The following GLS variants were observed in gnomAD, a reference collection of about 807,000 sequenced individuals.
The protein encoded by GLS is glutaminase, also known as glutaminase kidney isoform, mitochondrial.
A neutral mutation model predicts 86.7 loss-of-function variants in GLS; 36 were observed. That is an observed-to-expected ratio of 0.42 (90% CI 0.32 to 0.55). The LOEUF (loss-of-function observed/expected upper bound fraction) is 0.55. GLS is among the 20% of genes least tolerant of loss of function. The probability of loss-of-function intolerance (pLI) is 0.17; values close to 1 mark genes in which losing one functional copy is unlikely to be tolerated. For missense variants in GLS, 528 were observed against 833.4 expected (o/e 0.63, Z 4.51); for synonymous variants, 317 against 305.9 (o/e 1.04, Z -0.38).
At chr2:190,910,357 C>CT (rs397869711) in intron 7 of GLS, 36 bp downstream of exon 7, 17,122 of 939,628 alleles carry the variant, frequency 0.018, 21 homozygotes, top group African/African-American at 0.028. Flanking sequence ...CCTAGTAAAA[C>CT]TTTTTTTTTT....
At chr2:190,887,251 GA>G (rs751834281) in intron 1 of GLS, among the ~76,000 whole-genome samples, 30 of 152,110 alleles carry the variant, frequency 2.0e-4, no homozygotes, top group Non-Finnish European at 3.7e-4. Flanking sequence ...GTTTTACCCT[GA>G]AATCTACTCA....
chr2:190,880,872 C>CAGCAGCA lies in GLS; in HGVS notation c.-213_-212insAGCAGCA. 5 of 742,350 alleles carry CAGCAGCA rather than the reference C, an allele frequency of 6.7e-6. No individual in the cohort carries two copies. The highest frequency in any genetic ancestry group is 3.6e-5 in the African/African-American group (2 of 55,594). 46.0% of individuals were successfully genotyped at this position (742,350 alleles called of 1,614,324 possible). A position where few individuals can be genotyped will look rare whatever the true frequency, so the allele number is the denominator to read the frequency against. The stretch of plus-strand genomic sequence containing the variant: ...AGAACCGGTCGCGGCAATCCTAGCG[C>CAGCAGCA]GCAGCAGCAGCAGCAGCAGCAGCAG... On this transcript the variant is annotated 5_prime_UTR_variant, in exon 1 of 18. Transcript: ENST00000320717.
intron 1 of GLS, among the ~76,000 whole-genome samples, chr2:190,885,692 T>G (rs931604341): frequency 6.6e-6 from 1 of 152,112 alleles, no homozygotes; most frequent in Non-Finnish European, 1.5e-5. Context: ...GGTTTTAATT[T>G]TAAAAGCTAA....
intron 14 of GLS, among the ~76,000 whole-genome samples, chr2:190,944,361 T>C (rs1225390644): frequency 1.3e-5 from 2 of 152,202 alleles, no homozygotes; most frequent in Non-Finnish European, 2.9e-5. Context: ...CCTAACACAC[T>C]AATGTAATAT....
Position 190,965,433 on chromosome 2 carries a change from G to GTGAA in GLS, c.*2449_*2452dup, listed in dbSNP as rs965453688. ...GTATTTGCTTCTAAAACCTCCCAAA[G>GTGAA]TGAATCTAATCTTAAAACTACAAGT... is the stretch of plus-strand genomic sequence containing the variant. On this transcript the variant is annotated 3_prime_UTR_variant, in exon 18 of 18. Coordinates refer to ENST00000320717, the MANE Select transcript of GLS (RefSeq NM_014905.5). The surrounding 1 kb of genome is among the most constrained non-coding windows in gnomAD (Gnocchi z 5.0). The GTGAA allele has an allele frequency of 1.6e-4, 24 of 152,618 alleles. No homozygotes were observed. The highest frequency in any genetic ancestry group is 5.8e-4 in the African/African-American group (24 of 41,512). 9.5% of individuals were successfully genotyped at this position (152,618 alleles called of 1,614,324 possible). A position where few individuals can be genotyped will look rare whatever the true frequency, so the allele number is the denominator to read the frequency against.
chr2:190,884,321 C>T (rs983978485), intron 1 of GLS, among the ~76,000 whole-genome samples: 1 of 152,190 alleles, frequency 6.6e-6, no homozygotes, highest in Non-Finnish European at 1.5e-5. Context: ...TTTGTCGCCA[C>T]ATATTCAATG....
At chr2:190,917,716 T>C (rs959828358) in intron 7 of GLS, among the ~76,000 whole-genome samples, 1 of 152,204 alleles carries the variant, frequency 6.6e-6, no homozygotes, top group Non-Finnish European at 1.5e-5. Context: ...AACAACATTA[T>C]GCTCCTTGTA....
intron 1 of GLS, among the ~76,000 whole-genome samples, chr2:190,882,996 A>G (rs1331189863): frequency 2.0e-5 from 3 of 152,212 alleles, no homozygotes; most frequent in Non-Finnish European, 4.4e-5. Flanking sequence ...TGCAGTCACA[A>G]CCGTTTAAAA....
chr2:190,892,676 A>G (rs1688603861), intron 1 of GLS, among the ~76,000 whole-genome samples: 1 of 152,122 alleles, frequency 6.6e-6, no homozygotes, highest in African/African-American at 2.4e-5. Flanking sequence ...TTTGAGGAGA[A>G]TATTTGAGTA....
intron 11 of GLS, among the ~76,000 whole-genome samples, chr2:190,925,837 G>A (rs1192765181): frequency 6.6e-6 from 1 of 152,098 alleles, no homozygotes; most frequent in Non-Finnish European, 1.5e-5. Context: ...TTTAGTTACT[G>A]ATCCCTAGTT....
chr2:190,906,647 G>A (rs896381634), intron 6 of GLS, among the ~76,000 whole-genome samples: 7 of 152,226 alleles, frequency 4.6e-5, no homozygotes, highest in African/African-American at 1.7e-4. Context: ...AGTAAATACA[G>A]GCTTCACTAT....
In GLS at chr2:190,895,548, A is replaced by G; in HGVS notation, c.484-56A>G. 8.2e-7 allele frequency: 1 copy of G among 1,218,046 alleles called. No homozygotes were observed. 75.5% of individuals were successfully genotyped at this position (1,218,046 alleles called of 1,614,324 possible). On this transcript the variant is annotated intron_variant, in intron 2 of 17. Transcript: ENST00000320717. This position sits in a 1 kb window ranked among gnomAD's most constrained non-coding sequence, Gnocchi z 4.2. Reference sequence around the variant, plus strand: ...AGGAATAAAATCTTATAGTTGGTATAAGCATATACATTATTTGCACTATAT... The same window carrying G: ...AGGAATAAAATCTTATAGTTGGTATGAGCATATACATTATTTGCACTATAT...
At chr2:190,908,828 C>T (rs1217237198) in intron 6 of GLS, among the ~76,000 whole-genome samples, 1 of 152,174 alleles carries the variant, frequency 6.6e-6, no homozygotes, top group African/African-American at 2.4e-5. Context: ...GCTGTCATGC[C>T]TTAAAATGAT....
intron 1 of GLS, among the ~76,000 whole-genome samples, chr2:190,892,212 G>A (rs1688587808): frequency 6.6e-6 from 1 of 152,104 alleles, no homozygotes; most frequent in South Asian, 2.1e-4. Flanking sequence ...GAAGGAATGG[G>A]TAAAAGAAGA....
chr2:190,924,494 G>A lies in GLS; in HGVS notation c.1198-49G>A, dbSNP rs1167922494. 2 of 924,000 alleles carry A rather than the reference G, an allele frequency of 2.2e-6. No individual in the cohort carries two copies. The highest frequency in any genetic ancestry group is 1.7e-5 in the Admixed American group (1 of 58,458). The allele number at this position is 924,000 out of a possible 1,614,324, so 57.2% of individuals were successfully genotyped here. A position where few individuals can be genotyped will look rare whatever the true frequency, so the allele number is the denominator to read the frequency against. On this transcript the variant is annotated intron_variant, in intron 10 of 17. Coordinates refer to ENST00000320717, the MANE Select transcript of GLS (RefSeq NM_014905.5). This position sits in a 1 kb window ranked among gnomAD's most constrained non-coding sequence, Gnocchi z 5.2. ...ATTTTTCATATATTTCTCTACTTATGTGCATTCCTGTGTGCCTGAATTTTT... is the reference window on the plus strand; with the variant it reads ...ATTTTTCATATATTTCTCTACTTATATGCATTCCTGTGTGCCTGAATTTTT...
intron 7 of GLS, among the ~76,000 whole-genome samples, chr2:190,916,440 G>A (rs1302792261): frequency 6.6e-6 from 1 of 151,892 alleles, no homozygotes; most frequent in African/African-American, 2.4e-5. Flanking sequence ...TGTATATGTA[G>A]GCATGTGCTT....
rs1323014241 is a variant in GLS at position 190,900,564 on chromosome 2, A to G, written c.606A>G (p.Lys202=). The G allele has an allele frequency of 2.5e-6, 4 of 1,581,554 alleles. No individual in the cohort carries two copies. Among genetic ancestry groups the G allele is most frequent in the Non-Finnish European group, 3.5e-6 (4 of 1,155,100 alleles). The change falls in exon 4 of 18, where the codon AAA becomes AAG. Residue 202 remains lysine, a splice_region_variant and synonymous_variant. Coordinates refer to ENST00000320717, the MANE Select transcript of GLS (RefSeq NM_014905.5). ...GVMLDKDLFK[K]CVQSNIVLLT... ...TTAATTATCTTTTTACATTCTACAG[A>G]TGTGTTCAGAGCAACATTGTTTTGT...
Position 190,938,518 on chromosome 2 carries a change from A to G in GLS, c.1650+6881A>G, listed in dbSNP as rs1690338940. On this transcript the variant is annotated intron_variant, in intron 14 of 17. Transcript: ENST00000320717. This position sits in a 1 kb window ranked among gnomAD's most constrained non-coding sequence, Gnocchi z 4.1. ...ACCATAATCTTATATATTTTTTAGA[A>G]TCACAGATTTGAATTTGAAAGTAAT... Among the ~76,000 whole-genome samples the G allele has an allele frequency of 6.6e-6, 1 of 151,660 alleles. No homozygotes were observed. Among genetic ancestry groups the G allele is most frequent in the Admixed American group, 6.6e-5 (1 of 15,228 alleles).
chr2:190,895,567 A>T lies in GLS; in HGVS notation c.484-37A>T. 1 of 1,468,568 alleles carries T rather than the reference A, an allele frequency of 6.8e-7. No individual in the cohort carries two copies. Among genetic ancestry groups the T allele is most frequent in the Non-Finnish European group, 9.4e-7 (1 of 1,060,250 alleles). The allele number at this position is 1,468,568 out of a possible 1,614,324, so 91.0% of individuals were successfully genotyped here. A position where few individuals can be genotyped will look rare whatever the true frequency, so the allele number is the denominator to read the frequency against. ...TGGTATAAGCATATACATTATTTGC[A>T]CTATATATTTACAAACTCTTATTTT... On this transcript the variant is annotated intron_variant, in intron 2 of 17. Transcript: ENST00000320717. The surrounding 1 kb of genome is among the most constrained non-coding windows in gnomAD (Gnocchi z 4.2).
Sources: allele counts gnomAD v4.1 joint callset (sites outside exome capture counted in the v4.1 genomes callset), GRCh38; gene constraint gnomAD v4.1.1; non-coding constraint Gnocchi (gnomAD v3.1); transcripts MANE v1.5; gene names NCBI Gene and HGNC (gene_info 2026-07-23, HGNC 2026-07-21).